Variants in CDC73 observed in about 807,000 individuals in gnomAD.
CDC73 encodes the protein parafibromin.
In CDC73, 21 loss-of-function variants were observed where a neutral mutation model predicts 83.7. That is an observed-to-expected ratio of 0.25 (90% confidence interval 0.18 to 0.36). The LOEUF (loss-of-function observed/expected upper bound fraction) is 0.36. CDC73 is among the 10% of genes least tolerant of loss of function. The probability of loss-of-function intolerance (pLI) is 1.00; values close to 1 mark genes in which losing one functional copy is unlikely to be tolerated. For missense variants in CDC73, 342 were observed against 653.3 expected (o/e 0.52, Z 5.19); for synonymous variants, 224 against 212.9 (o/e 1.05, Z -0.45).
intron 14 of CDC73, among the ~76,000 whole-genome samples, chr1:193,234,210 CACACACACACAT>C (rs1187502688): frequency 1.6e-3 from 41 of 26,064 alleles, no homozygotes; most frequent in Non-Finnish European, 2.4e-3. Context: ...CACACACACA[CACACACACACAT>C]ATATATATTT....
chr1:193,147,461 G>A (rs565286368), intron 7 of CDC73, among the ~76,000 whole-genome samples: 5 of 149,090 alleles, frequency 3.4e-5, no homozygotes, highest in East Asian at 2.0e-4. Flanking sequence ...TCCGCCTCCC[G>A]TGTTCACACC....
At chr1:193,151,945 A>G (rs1354535587) in intron 9 of CDC73, among the ~76,000 whole-genome samples, 2 of 152,158 alleles carry the variant, frequency 1.3e-5, no homozygotes, top group African/African-American at 4.8e-5. Flanking sequence ...AAGAAAAAAT[A>G]TATATGTATG....
At chr1:193,151,431 A>G in intron 9 of CDC73, among the ~76,000 whole-genome samples, 1 of 152,108 alleles carries the variant, frequency 6.6e-6, no homozygotes, top group African/African-American at 2.4e-5. Flanking sequence ...ACTAAATATC[A>G]CCCTCCATGG....
chr1:193,188,670 C>T (rs1038861734), intron 10 of CDC73, among the ~76,000 whole-genome samples: 2 of 151,776 alleles, frequency 1.3e-5, no homozygotes, highest in African/African-American at 4.8e-5. Context: ...TATTCTTTTG[C>T]CAGTTCTTTT....
At chr1:193,203,059 A>G (rs1292199296) in intron 10 of CDC73, among the ~76,000 whole-genome samples, 3 of 152,126 alleles carry the variant, frequency 2.0e-5, no homozygotes, top group Non-Finnish European at 2.9e-5. Flanking sequence ...CTATAAAGAA[A>G]AATGTATTAT....
In CDC73 at chr1:193,251,186, G is replaced by A. The variant is rs1395153256; in HGVS notation, c.*474G>A. ...TTTGAATGAATCAGAATGTCAACTTGTATGTACACTATATCTACACTTACT... is the reference window on the plus strand; with the variant it reads ...TTTGAATGAATCAGAATGTCAACTTATATGTACACTATATCTACACTTACT... On this transcript the variant is annotated 3_prime_UTR_variant, in exon 17 of 17. Coordinates refer to ENST00000367435, the MANE Select transcript of CDC73 (RefSeq NM_024529.5). 1 of 242,284 alleles carries A rather than the reference G, an allele frequency of 4.1e-6. No individual in the cohort carries two copies. The highest frequency in any genetic ancestry group is 2.2e-5 in the African/African-American group (1 of 45,314). 15.0% of individuals were successfully genotyped at this position (242,284 alleles called of 1,614,324 possible).
At position 193,237,648 on chromosome 1, in the gene CDC73, C is replaced by A. The variant is rs1023247440; in HGVS notation, c.1417+1292C>A. Among the ~76,000 whole-genome samples the A allele has an allele frequency of 4.6e-5, 7 of 151,992 alleles. No individual in the cohort carries two copies. In the East Asian group the frequency reaches 9.6e-4, roughly 21 times the overall value. On this transcript the variant is annotated intron_variant, in intron 15 of 16. Transcript: ENST00000367435. The stretch of plus-strand genomic sequence containing the variant: ...TGGGGTGGCGAGGCAGTGGTGACCA[C>A]GTTAATTACCCACAAGTGTGTTGAC...
Position 193,250,951 on chromosome 1 carries a change from A to T in CDC73, c.*239A>T. On this transcript the variant is annotated 3_prime_UTR_variant, in exon 17 of 17. Transcript: ENST00000367435. ...ATATTTTGATAGAAGTTTTTTCTCCATTGGTTAAATTAGCATTACTTAAAA... is the reference window on the plus strand; with the variant it reads ...ATATTTTGATAGAAGTTTTTTCTCCTTTGGTTAAATTAGCATTACTTAAAA... 2.0e-6 allele frequency: 1 copy of T among 508,086 alleles called. No individual in the cohort carries two copies. The allele number at this position is 508,086 out of a possible 1,614,324, so 31.5% of individuals were successfully genotyped here.
chr1:193,151,168 G>C (rs539750484), intron 9 of CDC73, among the ~76,000 whole-genome samples: 1 of 152,268 alleles, frequency 6.6e-6, no homozygotes, highest in African/African-American at 2.4e-5. Context: ...CTTGATTCAT[G>C]AAAATATTAG....
chr1:193,164,822 G>C (rs1056942248), intron 10 of CDC73, among the ~76,000 whole-genome samples: 1 of 152,158 alleles, frequency 6.6e-6, no homozygotes, highest in African/African-American at 2.4e-5. Context: ...CTTTAGGACT[G>C]TGTTTCATTC....
At chr1:193,232,412 A>C (rs1181286168) in intron 13 of CDC73, among the ~76,000 whole-genome samples, 1 of 152,062 alleles carries the variant, frequency 6.6e-6, no homozygotes, top group East Asian at 1.9e-4. Context: ...GGAAAATGCT[A>C]AGTGCTAGTT....
intron 11 of CDC73, among the ~76,000 whole-genome samples, chr1:193,211,054 G>T (rs1424427680): frequency 6.6e-6 from 1 of 151,848 alleles, no homozygotes; most frequent in Admixed American, 6.6e-5. Flanking sequence ...TTCTTGTCTC[G>T]CTCTTCTCTT....
At chr1:193,152,860 A>G (rs1051448009) in intron 10 of CDC73, among the ~76,000 whole-genome samples, 1 of 151,762 alleles carries the variant, frequency 6.6e-6, no homozygotes, top group Admixed American at 6.6e-5. Flanking sequence ...GCTCACTGCA[A>G]CCTCCGCCTC....
intron 10 of CDC73, among the ~76,000 whole-genome samples, chr1:193,189,274 G>A (rs541720647): frequency 3.3e-5 from 5 of 152,228 alleles, no homozygotes; most frequent in African/African-American, 1.2e-4. Flanking sequence ...TTAAATTTAA[G>A]TTAAGCTAGT....
intron 10 of CDC73, among the ~76,000 whole-genome samples, chr1:193,202,973 A>C (rs953202345): frequency 2.6e-4 from 39 of 152,140 alleles, no homozygotes; most frequent in African/African-American, 8.9e-4. Context: ...ATAATTTGTC[A>C]AATTTCCTTC....
chr1:193,239,516 A>G (rs2102064869), intron 15 of CDC73, among the ~76,000 whole-genome samples: 1 of 152,318 alleles, frequency 6.6e-6, no homozygotes, highest in African/African-American at 2.4e-5. Flanking sequence ...ATCTTTACAA[A>G]TTTAGAATAA....
chr1:193,190,352 T>G (rs1676898070), intron 10 of CDC73, among the ~76,000 whole-genome samples: 1 of 152,232 alleles, frequency 6.6e-6, no homozygotes, highest in African/African-American at 2.4e-5. Context: ...CATAAGGGAT[T>G]TGGACAAATG....
chr1:193,151,984 A>G (rs141243791), intron 9 of CDC73, among the ~76,000 whole-genome samples: 90 of 152,306 alleles, frequency 5.9e-4, no homozygotes, highest in African/African-American at 1.8e-3. Context: ...TATATGCCTT[A>G]TGACTGAAAC....
rs142404615 is a variant in CDC73, at chr1:193,176,319, T to C, written c.972+23875T>C. Among the ~76,000 whole-genome samples the C allele has an allele frequency of 8.5e-4, 129 of 152,320 alleles. 1 individual carries two copies. In the East Asian group the frequency reaches 0.011, roughly 13 times the overall value. ...TTGCAACATAGCATCAACTCCATTA[T>C]GTTGTATACACAAGAACTGTTTTGC... is the stretch of plus-strand genomic sequence containing the variant. On this transcript the variant is annotated intron_variant, in intron 10 of 16. Transcript: ENST00000367435.
Sources: gnomAD v4.1 joint callset for allele counts (sites outside exome capture counted in the v4.1 genomes callset) on GRCh38, gnomAD v4.1.1 for gene constraint, MANE v1.5 for transcripts, NCBI Gene and HGNC (gene_info 2026-07-23, HGNC 2026-07-21) for gene names.